MYRF: variants seen among roughly 807,000 people sequenced by gnomAD.
MYRF encodes myelin regulatory factor, also known as myelin gene regulatory factor.
In MYRF, 16 loss-of-function variants were observed where a neutral mutation model predicts 126.3. The observed-to-expected ratio is 0.13, with a 90% CI of 0.09 to 0.19. The LOEUF (loss-of-function observed/expected upper bound fraction) is 0.19, where lower values mean the gene tolerates loss of function less well. Among genes scored for constraint, MYRF ranks in the 10% least tolerant of loss-of-function variants. The pLI is 1.00. For synonymous variants in MYRF, 608 were observed against 635.3 expected (o/e 0.96, Z 0.65); for missense variants, 1,104 against 1,547.0 (o/e 0.71, Z 4.80).
chr11:61,777,779 G>C lies in MYRF; in HGVS notation c.1837G>C (p.Val613Leu). 7 of 1,552,362 alleles carry C rather than the reference G, an allele frequency of 4.5e-6. No homozygotes were observed. The highest frequency in any genetic ancestry group is 6.1e-6 in the Non-Finnish European group (7 of 1,147,478). ...QLKRISRMRL[V>L]HYRYKPEFAA... The stretch of plus-strand genomic sequence containing the variant: ...GAAGAGGATCTCGCGCATGCGGCTG[G>C]TGCACTACAGATACAAGCCCGAGTT... The change falls in exon 13 of 27, where the codon GTG becomes CTG. Residue 613 changes from valine (V) to leucine (L), a missense_variant. Coordinates refer to ENST00000278836, the MANE Select transcript of MYRF (RefSeq NM_001127392.3). The surrounding 1 kb of genome is among the most constrained non-coding windows in gnomAD (Gnocchi z 8.8).
intron 25 of MYRF, chr11:61,785,458 G>A (rs1480658667): frequency 3.8e-6 from 1 of 263,524 alleles, no homozygotes; most frequent in Non-Finnish European, 7.2e-6. Context: ...GCTAGTAGCA[G>A]CACTGTGTCA....
chr11:61,780,829 G>A (rs756975163), intron 19 of MYRF, 37 bp downstream of exon 19: 4 of 1,552,430 alleles, frequency 2.6e-6, no homozygotes, highest in Non-Finnish European at 3.5e-6. Flanking sequence ...TCTGGCTCCT[G>A]CTGCCCCTCT....
At position 61,780,733 on chromosome 11, in the gene MYRF, C is replaced by T; in HGVS notation, c.2427C>T (p.Ser809=). Residue 809 remains serine (S), a synonymous_variant, in exon 19 of 27, where the codon TCC becomes TCT. Coordinates refer to ENST00000278836, the MANE Select transcript of MYRF (RefSeq NM_001127392.3). ...TTAGCTCTTTTGCCGTGTCCACTTCCTGTCTCCTGGCCCTGCTCCGGCCCC... is the reference window on the plus strand; with the variant it reads ...TTAGCTCTTTTGCCGTGTCCACTTCTTGTCTCCTGGCCCTGCTCCGGCCCC... ...DTDGSFAVST[S]CLLALLRPQP... The T allele has an allele frequency of 1.3e-6, 2 of 1,549,642 alleles. No individual in the cohort carries two copies. The highest frequency in any genetic ancestry group is 1.7e-6 in the Non-Finnish European group (2 of 1,147,078).
intron 26 of MYRF, 80 bp from the exon 27 acceptor site, chr11:61,785,981 AGT>A: frequency 6.4e-7 from 1 of 1,554,922 alleles, no homozygotes; most frequent in Non-Finnish European, 8.9e-7. Context: ...CTGGGGGCAC[AGT>A]GTCAAGCAAT....
rs774199007 is a variant in MYRF at position 61,776,435 on chromosome 11, G to A, written c.1499+3G>A. 5 of 1,610,456 alleles carry A rather than the reference G, an allele frequency of 3.1e-6. No homozygotes were observed. In the South Asian group the frequency reaches 5.5e-5, roughly 18 times the overall value. ...GGCAAGCCCAACCCGGACCAGAGGT[G>A]AGCAGGTGGGGGCCCTGCCCCGGAG... On this transcript the variant is annotated splice_donor_region_variant and intron_variant, in intron 10 of 26. Coordinates refer to ENST00000278836, the MANE Select transcript of MYRF (RefSeq NM_001127392.3). The surrounding 1 kb of genome is among the most constrained non-coding windows in gnomAD (Gnocchi z 4.3).
intron 1 of MYRF, among the ~76,000 whole-genome samples, chr11:61,761,561 C>A (rs1258949751): frequency 6.6e-6 from 1 of 152,218 alleles, no homozygotes; most frequent in African/African-American, 2.4e-5. Flanking sequence ...CTCAGCAGGG[C>A]AGGGGCAGGA....
intron 22 of MYRF, 39 bp downstream of exon 22, chr11:61,781,863 G>A: frequency 6.7e-7 from 1 of 1,499,128 alleles, no homozygotes; most frequent in Non-Finnish European, 8.8e-7. Flanking sequence ...GCCCAGCCTG[G>A]CAAGGCTCAC....
At chr11:61,772,533 G>C (rs2066257008) in intron 7 of MYRF, among the ~76,000 whole-genome samples, 1 of 152,238 alleles carries the variant, frequency 6.6e-6, no homozygotes, top group African/African-American at 2.4e-5. Context: ...GGAGTTGGGT[G>C]CTCCAGGCTT....
chr11:61,779,531 C>A lies in MYRF; in HGVS notation c.2208C>A (p.Ser736Arg). The change falls in exon 16 of 27, where the codon AGC becomes AGA. Residue 736 changes from serine to arginine, a missense_variant. This residue lies in a region of MYRF where 323 missense variants were observed against 383.1 expected (regional missense o/e 0.84). Coordinates refer to ENST00000278836, the MANE Select transcript of MYRF (RefSeq NM_001127392.3). ...GGAGCCAGTTCAGTCGGGCGGGCAGCGTCCCCCACAAGAAGAGGCCCCCCA... is the reference window on the plus strand; with the variant it reads ...GGAGCCAGTTCAGTCGGGCGGGCAGAGTCCCCCACAAGAAGAGGCCCCCCA... ...HAGSQFSRAG[S>R]VPHKKRPPKV... 6.6e-7 allele frequency: 1 copy of A among 1,508,520 alleles called. No individual in the cohort carries two copies. The highest frequency in any genetic ancestry group is 2.2e-5 in the Admixed American group (1 of 45,216). 93.4% of individuals were successfully genotyped at this position (1,508,520 alleles called of 1,614,324 possible). A position where few individuals can be genotyped will look rare whatever the true frequency, so the allele number is the denominator to read the frequency against.
intron 16 of MYRF, 103 bp downstream of exon 16, chr11:61,779,673 C>G (rs1565302406): frequency 2.4e-6 from 3 of 1,271,044 alleles, no homozygotes; most frequent in Non-Finnish European, 1.1e-6. Context: ...TGGTGCTTCC[C>G]TCTCCTTGTG....
chr11:61,762,727 G>A (rs1301461658), intron 1 of MYRF, among the ~76,000 whole-genome samples: 7 of 152,164 alleles, frequency 4.6e-5, no homozygotes, highest in Admixed American at 3.3e-4. Flanking sequence ...AAGAGACGAC[G>A]CGGCCTCCAG....
chr11:61,784,048 T>C (rs2066625062), intron 24 of MYRF, 123 bp downstream of exon 24: 1 of 1,245,460 alleles, frequency 8.0e-7, no homozygotes, highest in Non-Finnish European at 1.1e-6. Context: ...CATGGTGGGA[T>C]AAGTGCTGAC....
At position 61,770,535 on chromosome 11, in the gene MYRF, G is replaced by C; in HGVS notation, c.740+10G>C. ...AGCAGCACGGAGCTGAGTAAGACGT[G>C]GGTGGCTGGCTCCATGGGGTGGGAA... On this transcript the variant is annotated intron_variant, in intron 5 of 26. Coordinates refer to ENST00000278836, the MANE Select transcript of MYRF (RefSeq NM_001127392.3). 1 of 1,547,586 alleles carries C rather than the reference G, an allele frequency of 6.5e-7. No homozygotes were observed. Among genetic ancestry groups the C allele is most frequent in the Non-Finnish European group, 8.7e-7 (1 of 1,144,090 alleles).
intron 1 of MYRF, among the ~76,000 whole-genome samples, chr11:61,761,381 G>A (rs2065896075): frequency 3.3e-5 from 5 of 152,178 alleles, no homozygotes; most frequent in Admixed American, 3.3e-4. Flanking sequence ...TTCCTTTCCT[G>A]GCCAGCTGGG....
At chr11:61,784,423 G>GAGCTGC in intron 25 of MYRF, 38 bp downstream of exon 25, 2 of 1,556,266 alleles carry the variant, frequency 1.3e-6, no homozygotes, top group Non-Finnish European at 1.8e-6. Flanking sequence ...GGCCAGGCCC[G>GAGCTGC]AGCTGCTTCT....
At position 61,784,378 on chromosome 11, in the gene MYRF, A is replaced by G. The variant is rs371521917; in HGVS notation, c.3293A>G (p.Asp1098Gly). ...SLPQSLHTHQ[D>G]TQGTSHRWPI... ...CCACAGAGTCTCCACACCCACCAGG[A>G]CACCCAGGTAGGTGGGACTGGGAAG... The change falls in exon 25 of 27, where the codon GAC (aspartate) becomes GGC (glycine). Residue 1098 changes from aspartate to glycine, a missense_variant. Coordinates refer to ENST00000278836, the MANE Select transcript of MYRF (RefSeq NM_001127392.3). 29 of 1,613,086 alleles carry G rather than the reference A, an allele frequency of 1.8e-5. No individual in the cohort carries two copies. Among genetic ancestry groups the G allele is most frequent in the Non-Finnish European group, 2.5e-5 (29 of 1,179,616 alleles).
At chr11:61,780,322 G>C in intron 18 of MYRF, 32 bp downstream of exon 18, 2 of 1,589,194 alleles carry the variant, frequency 1.3e-6, no homozygotes, top group South Asian at 2.3e-5. Context: ...CAAGCTGCCA[G>C]GCCAGGTGGG....
At position 61,777,760 on chromosome 11, in the gene MYRF, G is replaced by A. The variant is rs1466890686; in HGVS notation, c.1818G>A (p.Arg606=). 1.3e-6 allele frequency: 2 copies of A among 1,551,910 alleles called. No individual in the cohort carries two copies. Among genetic ancestry groups the A allele is most frequent in the South Asian group, 2.4e-5 (2 of 84,076 alleles). ...QEVDTTEQLK[R]ISRMRLVHYR... is the part of the protein sequence containing the mutation. The stretch of plus-strand genomic sequence containing the variant: ...TGGACACCACCGAGCAATTGAAGAG[G>A]ATCTCGCGCATGCGGCTGGTGCACT... The change falls in exon 13 of 27, where the codon AGG becomes AGA. Residue 606 remains arginine (R), a synonymous_variant. Transcript: ENST00000278836. The surrounding 1 kb of genome is among the most constrained non-coding windows in gnomAD (Gnocchi z 8.8).
intron 1 of MYRF, among the ~76,000 whole-genome samples, chr11:61,761,461 C>T (rs910095335): frequency 2.6e-5 from 4 of 152,142 alleles, no homozygotes; most frequent in East Asian, 1.9e-4. Context: ...TAGTCTGGAT[C>T]GCAGCCTGCC....
Sources: allele counts gnomAD v4.1 joint callset (sites outside exome capture counted in the v4.1 genomes callset), GRCh38; gene constraint gnomAD v4.1.1; regional missense constraint gnomAD v4.1.1; non-coding constraint Gnocchi (gnomAD v3.1); transcripts MANE v1.5; gene names NCBI Gene and HGNC (gene_info 2026-07-23, HGNC 2026-07-21).